The following LINGO2 variants were observed in gnomAD, a reference collection of about 807,000 sequenced individuals.
LINGO2 encodes the protein leucine-rich repeat and immunoglobulin-like domain-containing nogo receptor-interacting protein 2.
A neutral mutation model predicts 30.6 loss-of-function variants in LINGO2; 14 were observed. The observed-to-expected ratio is 0.46, with a 90% CI of 0.30 to 0.72. LINGO2 has a LOEUF of 0.72. LINGO2 is among the 30% of genes least tolerant of loss of function. LINGO2 has a pLI of 0.07. For missense variants in LINGO2, 729 were observed against 751.7 expected, an observed-to-expected ratio of 0.97 and a Z score of 0.35; for synonymous variants, 317 against 288.5, an observed-to-expected ratio of 1.10 and a Z score of -1.00.
chr9:28,825,221 C>G, the LINGO2 span, among the ~76,000 whole-genome samples: 2 of 152,040 alleles, frequency 1.3e-5, no homozygotes, highest in African/African-American at 2.4e-5. Context: ...TTATGACACT[C>G]TTCTCAAAAT....
chr9:28,388,588 T>C (rs1379222038), intron 2 of LINGO2, among the ~76,000 whole-genome samples: 2 of 152,218 alleles, frequency 1.3e-5, no homozygotes. Context: ...TACATGACTT[T>C]TAATTTTTGC....
chr9:27,965,760 A>G (rs1257300072), intron 5 of LINGO2, among the ~76,000 whole-genome samples: 1 of 152,072 alleles, frequency 6.6e-6, no homozygotes, highest in Non-Finnish European at 1.5e-5. Context: ...TCTACTTAAA[A>G]TTTTAAAAGA....
In LINGO2 at chr9:27,992,025, A is replaced by G. The variant is rs1371762633; in HGVS notation, c.-36+20330T>C. Among the ~76,000 whole-genome samples the G allele has an allele frequency of 2.0e-5, 3 of 152,160 alleles. No individual in the cohort carries two copies. The East Asian group carries it at 5.8e-4, about 29-fold the overall frequency. On this transcript the variant is annotated intron_variant, in intron 5 of 5. Transcript: ENST00000379992. ...CTAAACCCAAACCCTGACTATGGGA[A>G]ATTACTACTCTGGGTATTCGGACGC...
chr9:28,822,289 G>C, the LINGO2 span, among the ~76,000 whole-genome samples: 1 of 152,126 alleles, frequency 6.6e-6, no homozygotes, highest in Non-Finnish European at 1.5e-5. Context: ...AGTTTCTCAA[G>C]ACATAAACCT....
chr9:28,465,014 C>T (rs553533001), intron 2 of LINGO2, among the ~76,000 whole-genome samples: 4 of 152,262 alleles, frequency 2.6e-5, no homozygotes, highest in East Asian at 1.9e-4. Flanking sequence ...CTTTGGGCGC[C>T]GCCCCCCCGC....
chr9:28,068,678 C>T (rs1825384896), intron 4 of LINGO2, among the ~76,000 whole-genome samples: 1 of 152,078 alleles, frequency 6.6e-6, no homozygotes, highest in Non-Finnish European at 1.5e-5. Context: ...CAAAACAATC[C>T]TGTAAGATAA....
Position 27,958,097 on chromosome 9 carries a change from T to C in LINGO2, c.-35-7391A>G, listed in dbSNP as rs189050713. 1.3e-3 allele frequency among the ~76,000 whole-genome samples: 203 copies of C among 152,320 alleles called. 1 individual carries two copies. Among genetic ancestry groups the C allele is most frequent in the African/African-American group, 4.4e-3 (185 of 41,584 alleles). On this transcript the variant is annotated intron_variant, in intron 5 of 5. Coordinates refer to ENST00000379992, the Ensembl canonical transcript of LINGO2. The stretch of plus-strand genomic sequence containing the variant: ...ATGTTAGCTGTGGGTTTTTCATAGA[T>C]GACCTTCATTAAGATTGGGAAGTGT...
chr9:28,573,568 C>T lies in LINGO2; in HGVS notation c.-365+96632G>A, dbSNP rs527952506. On this transcript the variant is annotated intron_variant, in intron 1 of 5. Transcript: ENST00000379992. ...TACTGCAGGAACATGACTATTTTCCCGAACACTATATAGTATTAAATGTCA... is the reference window on the plus strand; with the variant it reads ...TACTGCAGGAACATGACTATTTTCCTGAACACTATATAGTATTAAATGTCA... Among the ~76,000 whole-genome samples the T allele has an allele frequency of 3.3e-5, 5 of 152,122 alleles. No individual in the cohort carries two copies. The South Asian group carries it at 6.2e-4, about 19-fold the overall frequency.
chr9:29,021,738 AAGG>A, the LINGO2 span, among the ~76,000 whole-genome samples: 1 of 148,832 alleles, frequency 6.7e-6, no homozygotes, highest in Non-Finnish European at 1.5e-5. Flanking sequence ...GGAAGGAAGG[AAGG>A]AAGGAAAGCA....
At chr9:28,398,648 A>G (rs1381092490) in intron 2 of LINGO2, among the ~76,000 whole-genome samples, 1 of 152,118 alleles carries the variant, frequency 6.6e-6, no homozygotes, top group Non-Finnish European at 1.5e-5. Flanking sequence ...GTAGAAACCT[A>G]TACTAGATGA....
intron 4 of LINGO2, among the ~76,000 whole-genome samples, chr9:28,242,888 A>T (rs988176171): frequency 6.6e-6 from 1 of 152,226 alleles, no homozygotes; most frequent in Non-Finnish European, 1.5e-5. Flanking sequence ...TCATAAGTGA[A>T]GGAGAAATAA....
chr9:28,901,205 A>G, the LINGO2 span, among the ~76,000 whole-genome samples: 23 of 152,290 alleles, frequency 1.5e-4, no homozygotes, highest in African/African-American at 5.3e-4. Context: ...AAAGAATAAC[A>G]TGTCCAGGAA....
the LINGO2 span, among the ~76,000 whole-genome samples, chr9:28,799,264 C>T: frequency 6.6e-6 from 1 of 152,006 alleles, no homozygotes; most frequent in African/African-American, 2.4e-5. Flanking sequence ...CTGCAGACTG[C>T]AACAAGGAGA....
intron 4 of LINGO2, among the ~76,000 whole-genome samples, chr9:28,225,009 C>T (rs1295899476): frequency 2.0e-5 from 3 of 152,124 alleles, no homozygotes; most frequent in African/African-American, 4.8e-5. Context: ...CAAGAACATA[C>T]CTTGAAGAAA....
At chr9:28,393,543 A>G (rs1046224725) in intron 2 of LINGO2, among the ~76,000 whole-genome samples, 1 of 152,218 alleles carries the variant, frequency 6.6e-6, no homozygotes, top group African/African-American at 2.4e-5. Context: ...GGTGGTGGTC[A>G]TATTAACAAC....
At chr9:28,771,268 CTT>C in the LINGO2 span, among the ~76,000 whole-genome samples, 10,811 of 146,822 alleles carry the variant, frequency 0.074, 1,277 homozygotes, top group African/African-American at 0.25. Context: ...GAACAAAGAG[CTT>C]TTTTTTTTTT....
chr9:28,171,457 T>C (rs545993685), intron 4 of LINGO2, among the ~76,000 whole-genome samples: 1 of 152,074 alleles, frequency 6.6e-6, no homozygotes, highest in Non-Finnish European at 1.5e-5. Context: ...TCATCAATAC[T>C]AAAACCCCAT....
At chr9:28,200,983 C>G (rs1333775649) in intron 4 of LINGO2, among the ~76,000 whole-genome samples, 1 of 151,014 alleles carries the variant, frequency 6.6e-6, no homozygotes, top group Non-Finnish European at 1.5e-5. Context: ...AATTACTGGG[C>G]TGACAGATTC....
At chr9:28,591,248 T>A (rs548016275) in intron 1 of LINGO2, among the ~76,000 whole-genome samples, 1 of 152,114 alleles carries the variant, frequency 6.6e-6, no homozygotes, top group East Asian at 1.9e-4. Flanking sequence ...ACATGGCACA[T>A]GTATACATAT....
Sources: gnomAD v4.1 joint callset for allele counts (sites outside exome capture counted in the v4.1 genomes callset) on GRCh38, gnomAD v4.1.1 for gene constraint, MANE v1.5 for transcripts, NCBI Gene and HGNC (gene_info 2026-07-23, HGNC 2026-07-21) for gene names.